The following DCPS variants were observed in gnomAD, a reference collection of about 807,000 sequenced individuals.
DCPS encodes the protein m7GpppX diphosphatase.
Under a neutral mutation model 34.7 loss-of-function variants are expected in DCPS, and 27 were observed. That is an observed-to-expected ratio of 0.78 (90% CI 0.57 to 1.07). DCPS has a LOEUF of 1.07. DCPS is among the 50% of genes least tolerant of loss of function. The pLI, the probability that DCPS is intolerant of heterozygous loss-of-function variation, is 0.00. For missense variants in DCPS, 464 were observed against 436.9 expected (o/e 1.06, Z -0.55); for synonymous variants, 185 against 185.7 (o/e 1.00, Z 0.03).
Position 126,316,858 on chromosome 11 carries a change from G to T in DCPS, c.376+10114G>T, listed in dbSNP as rs560409422. Among the ~76,000 whole-genome samples the T allele has an allele frequency of 9.3e-5, 14 of 150,514 alleles. No homozygotes were observed. In the Middle Eastern group the frequency reaches 0.014, roughly 150 times the overall value. On this transcript the variant is annotated intron_variant, in intron 2 of 5. Coordinates refer to ENST00000263579, the MANE Select transcript of DCPS (RefSeq NM_014026.6). ...TTTAGTAGAGACAGGGTTTCACCTT[G>T]TTGGCCAGGCTGGTCTTGAACTCCT...
At chr11:126,314,323 C>T (rs1007875861) in intron 2 of DCPS, among the ~76,000 whole-genome samples, 1 of 152,168 alleles carries the variant, frequency 6.6e-6, no homozygotes, top group African/African-American at 2.4e-5. Flanking sequence ...ATATGTACCA[C>T]ATTTCTTTAT....
At chr11:126,343,452 A>G (rs1951893588) in intron 5 of DCPS, 35 bp downstream of exon 5, 2 of 1,525,804 alleles carry the variant, frequency 1.3e-6, no homozygotes, top group Non-Finnish European at 1.8e-6. Flanking sequence ...GGAAGCTCAG[A>G]GAAATTAGAC....
At position 126,312,584 on chromosome 11, in the gene DCPS, G is replaced by A. The variant is rs773011351; in HGVS notation, c.376+5840G>A. On this transcript the variant is annotated intron_variant, in intron 2 of 5. Coordinates refer to ENST00000263579, the MANE Select transcript of DCPS (RefSeq NM_014026.6). This position sits in a 1 kb window ranked among gnomAD's most constrained non-coding sequence, Gnocchi z 5.1. ...TCAAACTCCTGATCTCGGGTGATCC[G>A]CCCGCTTTGGCTGCTCAGAGTGCTG... Among the ~76,000 whole-genome samples the A allele has an allele frequency of 1.3e-5, 2 of 151,934 alleles. No individual in the cohort carries two copies. The highest frequency in any genetic ancestry group is 2.9e-5 in the Non-Finnish European group (2 of 68,004).
Position 126,312,448 on chromosome 11 carries a change from C to T in DCPS, c.376+5704C>T, listed in dbSNP as rs1299636698. On this transcript the variant is annotated intron_variant, in intron 2 of 5. Transcript: ENST00000263579. The surrounding 1 kb of genome is among the most constrained non-coding windows in gnomAD (Gnocchi z 5.1). ...CCACCTCCCGGGTTCAAGCCATTCT[C>T]CTGCCTCAGCCTCCTGAGTAGCTGG... 1.3e-5 allele frequency among the ~76,000 whole-genome samples: 2 copies of T among 152,126 alleles called. No individual in the cohort carries two copies. Among genetic ancestry groups the T allele is most frequent in the Non-Finnish European group, 1.5e-5 (1 of 68,020 alleles).
At position 126,323,447 on chromosome 11, in the gene DCPS, A is replaced by T. The variant is rs1951721177; in HGVS notation, c.377-7958A>T. ...TATTTTTCAAAGCAGGTGTACTTTAATGGTTAAAAAAATACACATGATGCA... is the reference window on the plus strand; with the variant it reads ...TATTTTTCAAAGCAGGTGTACTTTATTGGTTAAAAAAATACACATGATGCA... On this transcript the variant is annotated intron_variant, in intron 2 of 5. Coordinates refer to ENST00000263579, the MANE Select transcript of DCPS (RefSeq NM_014026.6). This position sits in a 1 kb window ranked among gnomAD's most constrained non-coding sequence, Gnocchi z 4.4. Among the ~76,000 whole-genome samples, 1 of 152,240 alleles carries T rather than the reference A, an allele frequency of 6.6e-6. No homozygotes were observed.
chr11:126,304,662 G>A (rs557782818), intron 1 of DCPS, among the ~76,000 whole-genome samples: 52 of 152,300 alleles, frequency 3.4e-4, no homozygotes, highest in Non-Finnish European at 6.5e-4. Context: ...ACATGAGACT[G>A]TAGGAGATGT....
intron 2 of DCPS, among the ~76,000 whole-genome samples, chr11:126,314,655 C>T (rs926720212): frequency 2.0e-5 from 3 of 152,120 alleles, no homozygotes; most frequent in Non-Finnish European, 4.4e-5. Context: ...GAATACTACT[C>T]AGCCATAAAA....
In DCPS at chr11:126,348,304, G is replaced by A. The variant is rs766160778; in HGVS notation, c.*2691G>A. 3.9e-5 allele frequency among the ~76,000 whole-genome samples: 6 copies of A among 152,108 alleles called. No individual in the cohort carries two copies. The highest frequency in any genetic ancestry group is 6.5e-5 in the Admixed American group (1 of 15,274). ...TGGGGAGGAGCCTCTCTGGGATAGC[G>A]TCCCCTCACTCCTCTCCCAGCCTCG... On this transcript the variant is annotated 3_prime_UTR_variant, in exon 6 of 6. Transcript: ENST00000263579. This position sits in a 1 kb window ranked among gnomAD's most constrained non-coding sequence, Gnocchi z 5.3.
chr11:126,318,054 C>G (rs993427606), intron 2 of DCPS, among the ~76,000 whole-genome samples: 4 of 152,190 alleles, frequency 2.6e-5, no homozygotes, highest in Admixed American at 1.3e-4. Flanking sequence ...CTCCCTACCC[C>G]CTCTGCTTTC....
At chr11:126,321,489 T>C (rs1291664048) in intron 2 of DCPS, among the ~76,000 whole-genome samples, 2 of 152,008 alleles carry the variant, frequency 1.3e-5, no homozygotes, top group Non-Finnish European at 2.9e-5. Context: ...TGGAAGTCAT[T>C]TGTGGAGAAT....
In DCPS at chr11:126,338,484, G is replaced by C; in HGVS notation, c.636+85G>C. On this transcript the variant is annotated intron_variant, in intron 4 of 5. Coordinates refer to ENST00000263579, the MANE Select transcript of DCPS (RefSeq NM_014026.6). The surrounding 1 kb of genome is among the most constrained non-coding windows in gnomAD (Gnocchi z 5.4). ...TTCTGACTGCCCTCTTTCTCACGCT[G>C]GCCTGTCTCTAAGCAGATTATAATT... 8.1e-7 allele frequency: 1 copy of C among 1,238,970 alleles called. No homozygotes were observed. Among genetic ancestry groups the C allele is most frequent in the South Asian group, 1.2e-5 (1 of 81,838 alleles). The allele number at this position is 1,238,970 out of a possible 1,614,324, so 76.7% of individuals were successfully genotyped here.
chr11:126,328,389 T>C lies in DCPS; in HGVS notation c.377-3016T>C, dbSNP rs1160311869. ...AGTGCTCTAGGGGGACGTGGGGAGC[T>C]CTGAGAGTCCTGCAGTCAGGTTCCC... is the stretch of plus-strand genomic sequence containing the variant. On this transcript the variant is annotated intron_variant, in intron 2 of 5. Transcript: ENST00000263579. This position sits in a 1 kb window ranked among gnomAD's most constrained non-coding sequence, Gnocchi z 6.6. 6.6e-6 allele frequency among the ~76,000 whole-genome samples: 1 copy of C among 151,878 alleles called. No individual in the cohort carries two copies. Among genetic ancestry groups the C allele is most frequent in the Non-Finnish European group, 1.5e-5 (1 of 67,944 alleles).
rs1341806109 is a variant in DCPS, at chr11:126,336,805, C to G, written c.523-1481C>G. 1.3e-5 allele frequency: 2 copies of G among 152,320 alleles called. No individual in the cohort carries two copies. The highest frequency in any genetic ancestry group is 3.9e-4 in the East Asian group (2 of 5,190). 9.4% of individuals were successfully genotyped at this position (152,320 alleles called of 1,614,324 possible). The stretch of plus-strand genomic sequence containing the variant: ...AGTGGCTGCCAGGTGTCCTCCAGAC[C>G]CCTCCCAGGAAGGGGCCTCATTCGG... On this transcript the variant is annotated intron_variant, in intron 3 of 5. Transcript: ENST00000263579. This position sits in a 1 kb window ranked among gnomAD's most constrained non-coding sequence, Gnocchi z 6.3.
chr11:126,309,700 G>T (rs544853219), intron 2 of DCPS, among the ~76,000 whole-genome samples: 9 of 152,252 alleles, frequency 5.9e-5, no homozygotes, highest in African/African-American at 9.6e-5. Flanking sequence ...TTTGGAAGTC[G>T]CAGCGGTTTG....
rs183817656 is a variant in DCPS at position 126,320,716 on chromosome 11, T to A, written c.377-10689T>A. On this transcript the variant is annotated intron_variant, in intron 2 of 5. Transcript: ENST00000263579. The surrounding 1 kb of genome is among the most constrained non-coding windows in gnomAD (Gnocchi z 4.7). ...TACCTGGGAGGTTGAGACGGGAAGA[T>A]CACTTCAGTCCAGGACATAGAGGCT... Among the ~76,000 whole-genome samples the A allele has an allele frequency of 1.2e-4, 18 of 152,042 alleles. No homozygotes were observed. Among genetic ancestry groups the A allele is most frequent in the Admixed American group, 3.3e-4 (5 of 15,268 alleles).
intron 1 of DCPS, among the ~76,000 whole-genome samples, chr11:126,305,706 C>T (rs534745183): frequency 1.3e-5 from 2 of 152,216 alleles, no homozygotes; most frequent in East Asian, 1.9e-4. Flanking sequence ...TAGGCATGAG[C>T]GACTGCGCTG....
chr11:126,333,150 T>C lies in DCPS; in HGVS notation c.522+1600T>C, dbSNP rs1292934271. ...GAGCCACTGTGCCTGGCCATGTATA[T>C]TCCTTATTATATACCATTATGCAGT... On this transcript the variant is annotated intron_variant, in intron 3 of 5. Coordinates refer to ENST00000263579, the MANE Select transcript of DCPS (RefSeq NM_014026.6). This position sits in a 1 kb window ranked among gnomAD's most constrained non-coding sequence, Gnocchi z 5.7. Among the ~76,000 whole-genome samples the C allele has an allele frequency of 6.6e-6, 1 of 152,178 alleles. No individual in the cohort carries two copies. Among genetic ancestry groups the C allele is most frequent in the Non-Finnish European group, 1.5e-5 (1 of 68,024 alleles).
In DCPS at chr11:126,345,245, G is replaced by A; in HGVS notation, c.748-102G>A. On this transcript the variant is annotated intron_variant, in intron 5 of 5. Coordinates refer to ENST00000263579, the MANE Select transcript of DCPS (RefSeq NM_014026.6). The surrounding 1 kb of genome is among the most constrained non-coding windows in gnomAD (Gnocchi z 7.4). ...TGGAGGGTTTTTGTGAGCTGTCCCA[G>A]GCCAATCCAGGATTCAGATGGGAGG... The A allele has an allele frequency of 6.5e-7, 1 of 1,528,828 alleles. No homozygotes were observed. Among genetic ancestry groups the A allele is most frequent in the Non-Finnish European group, 8.8e-7 (1 of 1,130,658 alleles). The allele number at this position is 1,528,828 out of a possible 1,614,324, so 94.7% of individuals were successfully genotyped here.
At chr11:126,330,810 C>T (rs1209782735) in intron 2 of DCPS, among the ~76,000 whole-genome samples, 2 of 136,968 alleles carry the variant, frequency 1.5e-5, no homozygotes, top group Non-Finnish European at 3.0e-5. Context: ...AATCTGGGCT[C>T]ACTGCAACCT....
Sources: allele counts gnomAD v4.1 joint callset (sites outside exome capture counted in the v4.1 genomes callset), GRCh38; gene constraint gnomAD v4.1.1; non-coding constraint Gnocchi (gnomAD v3.1); transcripts MANE v1.5; gene names NCBI Gene and HGNC (gene_info 2026-07-23, HGNC 2026-07-21).